DENND1B: variants seen among roughly 807,000 people sequenced by gnomAD.
DENND1B encodes the protein DENN domain containing 1B, also known as DENN domain-containing protein 1B.
DENND1B carries 59 observed loss-of-function variants against 90.1 expected under a neutral mutation model. The observed-to-expected ratio is 0.65, with a 90% confidence interval of 0.53 to 0.81. The LOEUF is 0.81. DENND1B is among the 40% of genes least tolerant of loss of function. The pLI is 0.00. For missense variants in DENND1B, 862 were observed against 912.6 expected (o/e 0.94, Z 0.71); for synonymous variants, 337 against 324.6 (o/e 1.04, Z -0.41).
chr1:197,542,326 T>A (rs1017917186), intron 18 of DENND1B, among the ~76,000 whole-genome samples: 25 of 152,020 alleles, frequency 1.6e-4, no homozygotes, highest in African/African-American at 5.6e-4. Context: ...GGAAAAAAAA[T>A]TTTAACTATA....
chr1:197,713,944 C>G (rs911492129), intron 3 of DENND1B, among the ~76,000 whole-genome samples: 1 of 32,966 alleles, frequency 3.0e-5, no homozygotes, highest in Admixed American at 2.6e-4. Context: ...ATATTATATA[C>G]ATATACACCA....
Position 197,607,101 on chromosome 1 carries a change from C to T in DENND1B, c.893G>A (p.Ser298Asn), listed in dbSNP as rs1676752283. Residue 298 changes from serine to asparagine, a missense_variant, in exon 13 of 23, where the codon AGT (serine) becomes AAT (asparagine). Transcript: ENST00000620048. ...ATCACTTGGTAGGTTGTTCAAGTCA[C>T]TAAATGGTGATTCTAATGTGTTTGT... The part of the protein sequence containing the change: ...VDTNTLESPF[S>N]DLNNLPSDVV... 23 of 1,606,146 alleles carry T rather than the reference C, an allele frequency of 1.4e-5. No individual in the cohort carries two copies. The highest frequency in any genetic ancestry group is 2.0e-5 in the Non-Finnish European group (23 of 1,175,158).
At chr1:197,591,116 A>G (rs1675163140) in intron 14 of DENND1B, among the ~76,000 whole-genome samples, 1 of 152,128 alleles carries the variant, frequency 6.6e-6, no homozygotes, top group Non-Finnish European at 1.5e-5. Context: ...AGACATGAAA[A>G]ATGCACATTT....
In DENND1B at chr1:197,641,734, T is replaced by A. The variant is rs546145745; in HGVS notation, c.672+977A>T. Among the ~76,000 whole-genome samples, 8 of 152,282 alleles carry A rather than the reference T, an allele frequency of 5.3e-5. No homozygotes were observed. The South Asian group carries it at 1.7e-3, about 32-fold the overall frequency. ...ACATTATCTGTCTCTAACTAGCTGT[T>A]TGGCCTTGAAGTGGTCATTTAATCT... On this transcript the variant is annotated intron_variant, in intron 10 of 22. Transcript: ENST00000620048.
chr1:197,761,181 A>T (rs1420457946), intron 2 of DENND1B, among the ~76,000 whole-genome samples: 1 of 152,214 alleles, frequency 6.6e-6, no homozygotes, highest in Admixed American at 6.5e-5. Flanking sequence ...AATAAGAACA[A>T]AAAAATTTTA....
chr1:197,592,108 C>CA (rs71286564), intron 14 of DENND1B, among the ~76,000 whole-genome samples: 1,624 of 55,802 alleles, frequency 0.029, 278 homozygotes, highest in African/African-American at 0.1. Flanking sequence ...GATTCCATCT[C>CA]AAAAAAAAAA....
chr1:197,601,501 C>A (rs1401568251), intron 13 of DENND1B, among the ~76,000 whole-genome samples: 5 of 150,140 alleles, frequency 3.3e-5, no homozygotes, highest in Non-Finnish European at 7.4e-5. Context: ...ATTTTAACAG[C>A]CAAAATCAAG....
At chr1:197,524,409 G>A (rs1252650239) in intron 20 of DENND1B, among the ~76,000 whole-genome samples, 1 of 152,096 alleles carries the variant, frequency 6.6e-6, no homozygotes, top group Non-Finnish European at 1.5e-5. Context: ...GGGCTAAGAG[G>A]ATTAGAGAAG....
chr1:197,507,204 A>G lies in DENND1B; in HGVS notation c.*3256T>C, dbSNP rs2125584951. ...TATTATTATTATTATTTTAATAAAA[A>G]TTTGCAATTCCTTTTCCTTTGTTCC... is the stretch of plus-strand genomic sequence containing the variant. On this transcript the variant is annotated 3_prime_UTR_variant, in exon 23 of 23. Transcript: ENST00000620048. 1 of 147,026 alleles carries G rather than the reference A, an allele frequency of 6.8e-6. No homozygotes were observed. The highest frequency in any genetic ancestry group is 2.5e-5 in the African/African-American group (1 of 40,318). 9.1% of individuals were successfully genotyped at this position (147,026 alleles called of 1,614,324 possible).
At chr1:197,631,513 TA>T (rs1373581321) in intron 10 of DENND1B, among the ~76,000 whole-genome samples, 1 of 151,826 alleles carries the variant, frequency 6.6e-6, no homozygotes, top group African/African-American at 2.4e-5. Flanking sequence ...AAATAGTAAA[TA>T]AAAACTGATT....
intron 2 of DENND1B, among the ~76,000 whole-genome samples, chr1:197,758,557 A>G (rs911785155): frequency 6.6e-6 from 1 of 152,224 alleles, no homozygotes; most frequent in Non-Finnish European, 1.5e-5. Flanking sequence ...AAATGTGAAA[A>G]ATGAAAGTAA....
chr1:197,780,090 ACC>A (rs1657389835), upstream of DENND1B, among the ~76,000 whole-genome samples: 1 of 152,176 alleles, frequency 6.6e-6, no homozygotes. Flanking sequence ...TTCATGTGAG[ACC>A]TGGTTTGTAG....
At chr1:197,583,713 C>T (rs1477860421) in intron 14 of DENND1B, among the ~76,000 whole-genome samples, 1 of 152,122 alleles carries the variant, frequency 6.6e-6, no homozygotes, top group Non-Finnish European at 1.5e-5. Flanking sequence ...ATCACCTTCT[C>T]TTCATGATTG....
chr1:197,751,006 A>T (rs1327129321), intron 2 of DENND1B, among the ~76,000 whole-genome samples: 5 of 152,222 alleles, frequency 3.3e-5, no homozygotes, highest in Non-Finnish European at 7.3e-5. Flanking sequence ...GGAAATTTTA[A>T]CACTCTTCTC....
rs75572822 is a variant in DENND1B at position 197,552,346 on chromosome 1, C to T, written c.1240+676G>A. On this transcript the variant is annotated intron_variant, in intron 16 of 22. Transcript: ENST00000620048. ...GCACTCAGCAAATAATGAATGAACA[C>T]GACATTTCAAGGACTCAAGCAAAAT... 33 of 984,862 alleles carry T rather than the reference C, an allele frequency of 3.4e-5. No homozygotes were observed. The Admixed American group carries it at 5.5e-4, about 17-fold the overall frequency. 61.0% of individuals were successfully genotyped at this position (984,862 alleles called of 1,614,324 possible).
chr1:197,553,209 C>A lies in DENND1B; in HGVS notation c.1150-97G>T, dbSNP rs1049436591. 5.3e-6 allele frequency: 5 copies of A among 939,928 alleles called. No homozygotes were observed. In the African/African-American group the frequency reaches 6.9e-5, roughly 13 times the overall value. The allele number at this position is 939,928 out of a possible 1,614,324, so 58.2% of individuals were successfully genotyped here. ...TATAAGGTTAGATTTTTACTTACAT[C>A]AAAAACATTAATAACAGACTCTTGT... On this transcript the variant is annotated intron_variant, in intron 15 of 22. Coordinates refer to ENST00000620048, the MANE Select transcript of DENND1B (RefSeq NM_001195215.2).
At chr1:197,703,016 C>T (rs2102166480) in intron 3 of DENND1B, among the ~76,000 whole-genome samples, 1 of 152,030 alleles carries the variant, frequency 6.6e-6, no homozygotes. Flanking sequence ...GAGATAGGGT[C>T]TCACTCTGTC....
At chr1:197,547,390 T>C (rs750746560) in intron 16 of DENND1B, among the ~76,000 whole-genome samples, 2 of 152,108 alleles carry the variant, frequency 1.3e-5, no homozygotes, top group Non-Finnish European at 2.9e-5. Flanking sequence ...ACCTTGCTCT[T>C]ACAAAATAGA....
chr1:197,679,643 TA>T (rs1343166129), intron 3 of DENND1B, among the ~76,000 whole-genome samples: 1 of 150,088 alleles, frequency 6.7e-6, no homozygotes, highest in Non-Finnish European at 1.5e-5. Context: ...TGTATCTAAA[TA>T]TTTTGTGTAT....
Sources: allele counts gnomAD v4.1 joint callset (sites outside exome capture counted in the v4.1 genomes callset), GRCh38; gene constraint gnomAD v4.1.1; transcripts MANE v1.5; gene names NCBI Gene and HGNC (gene_info 2026-07-23, HGNC 2026-07-21).